The following KCMF1 variants were observed in gnomAD, a reference collection of about 807,000 sequenced individuals.
The protein encoded by KCMF1 is E3 ubiquitin-protein ligase KCMF1.
KCMF1 carries 3 observed loss-of-function variants against 41.1 expected under a neutral mutation model. The ratio of observed to expected loss-of-function variants is 0.07; its 90% CI spans 0.03 to 0.19. KCMF1 has a LOEUF of 0.19. Ranked by LOEUF, KCMF1 falls within the 10% of genes least tolerant of loss-of-function variation. KCMF1 has a pLI of 1.00. For synonymous variants in KCMF1, 142 were observed against 164.5 expected (o/e 0.86, Z 1.04); for missense variants, 286 against 488.9 (o/e 0.58, Z 3.91).
intron 3 of KCMF1, among the ~76,000 whole-genome samples, chr2:85,037,488 C>T (rs1490479175): frequency 1.3e-5 from 2 of 152,130 alleles, no homozygotes; most frequent in Non-Finnish European, 2.9e-5. Flanking sequence ...TTGAATGCCT[C>T]TCTGCATATA....
intron 1 of KCMF1, among the ~76,000 whole-genome samples, chr2:84,995,211 G>A (rs56323234): frequency 0.067 from 10,119 of 151,894 alleles, 583 homozygotes; most frequent in East Asian, 0.34. Flanking sequence ...TAGTGGAGAC[G>A]GGGTTTCACC....
chr2:85,020,786 A>G (rs760996790), intron 1 of KCMF1, among the ~76,000 whole-genome samples: 43 of 152,178 alleles, frequency 2.8e-4, no homozygotes, highest in Admixed American at 2.6e-3. Context: ...TTGCTCAGGT[A>G]TCTTTTTTAG....
At chr2:84,997,768 T>C (rs1259569748) in intron 1 of KCMF1, among the ~76,000 whole-genome samples, 7 of 139,738 alleles carry the variant, frequency 5.0e-5, no homozygotes, top group Non-Finnish European at 1.1e-4. Context: ...CATTTTCTTT[T>C]TTTTTTTTTT....
At position 85,056,244 on chromosome 2, in the gene KCMF1, A is replaced by G. The variant is rs1317638981; in HGVS notation, c.*2835A>G. ...GGCCCCCAGAGAAATGAAGTAGGAT[A>G]GCAGATTACACTATTAGAAATAATA... On this transcript the variant is annotated 3_prime_UTR_variant, in exon 7 of 7. Coordinates refer to ENST00000409785, the MANE Select transcript of KCMF1 (RefSeq NM_020122.5). The G allele has an allele frequency of 6.6e-6, 1 of 152,198 alleles. No individual in the cohort carries two copies. Among genetic ancestry groups the G allele is most frequent in the Admixed American group, 6.5e-5 (1 of 15,274 alleles). The allele number at this position is 152,198 out of a possible 1,614,324, so 9.4% of individuals were successfully genotyped here.
In KCMF1 at chr2:85,053,677, A is replaced by G. The variant is rs1675862361; in HGVS notation, c.*268A>G. ...GCAAAAGGCTCTCCTAATACTCCAC[A>G]TTCAAACTGAAGAGGAAAATTGAAA... On this transcript the variant is annotated 3_prime_UTR_variant, in exon 7 of 7. Coordinates refer to ENST00000409785, the MANE Select transcript of KCMF1 (RefSeq NM_020122.5). The G allele has an allele frequency of 9.1e-6, 3 of 329,712 alleles. No individual in the cohort carries two copies. The highest frequency in any genetic ancestry group is 1.7e-5 in the Non-Finnish European group (3 of 180,468). The allele number at this position is 329,712 out of a possible 1,614,324, so 20.4% of individuals were successfully genotyped here.
At chr2:85,043,117 T>C (rs1048784125) in intron 3 of KCMF1, among the ~76,000 whole-genome samples, 2 of 152,272 alleles carry the variant, frequency 1.3e-5, no homozygotes, top group Non-Finnish European at 2.9e-5. Context: ...GTTGAATGTT[T>C]GCACAGTTGC....
intron 1 of KCMF1, among the ~76,000 whole-genome samples, chr2:84,986,020 C>T (rs937585588): frequency 7.9e-5 from 12 of 152,114 alleles, no homozygotes; most frequent in African/African-American, 2.4e-4. Context: ...GTTTTCTATT[C>T]TGCTTCATTA....
intron 3 of KCMF1, among the ~76,000 whole-genome samples, chr2:85,040,238 A>C (rs1219614144): frequency 1.3e-5 from 2 of 152,218 alleles, no homozygotes; most frequent in Non-Finnish European, 2.9e-5. Context: ...CCATATGAAT[A>C]ATAGATATTA....
intron 1 of KCMF1, among the ~76,000 whole-genome samples, chr2:84,989,364 A>G (rs1673982098): frequency 1.3e-5 from 2 of 152,186 alleles, no homozygotes; most frequent in African/African-American, 2.4e-5. Flanking sequence ...CTTGTGGTGT[A>G]GGGGGAAGGC....
intron 1 of KCMF1, among the ~76,000 whole-genome samples, chr2:85,008,370 C>G (rs933066398): frequency 1.1e-3 from 9 of 8,462 alleles, no homozygotes; most frequent in Admixed American, 2.3e-3. Context: ...TATTATATAT[C>G]ATATGATATA....
At chr2:85,034,134 C>T (rs1675351808) in intron 2 of KCMF1, among the ~76,000 whole-genome samples, 1 of 152,054 alleles carries the variant, frequency 6.6e-6, no homozygotes, top group Non-Finnish European at 1.5e-5. Context: ...ACTGAGTCTG[C>T]AGTGAGCTGT....
At chr2:84,991,035 A>G (rs1674030926) in intron 1 of KCMF1, among the ~76,000 whole-genome samples, 1 of 152,088 alleles carries the variant, frequency 6.6e-6, no homozygotes, top group African/African-American at 2.4e-5. Context: ...CAAGACTCCT[A>G]ATTGGGAGGC....
At chr2:85,007,306 A>C (rs1311428277) in intron 1 of KCMF1, among the ~76,000 whole-genome samples, 1 of 152,226 alleles carries the variant, frequency 6.6e-6, no homozygotes, top group East Asian at 1.9e-4. Context: ...AGCAGTTTGC[A>C]CTATTAGGTG....
At position 84,971,430 on chromosome 2, in the gene KCMF1, C is replaced by T; in HGVS notation, c.-22C>T. 2 of 1,250,154 alleles carry T rather than the reference C, an allele frequency of 1.6e-6. No individual in the cohort carries two copies. The highest frequency in any genetic ancestry group is 2.0e-5 in the South Asian group (1 of 50,482). The allele number at this position is 1,250,154 out of a possible 1,614,324, so 77.4% of individuals were successfully genotyped here. On this transcript the variant is annotated 5_prime_UTR_variant, in exon 1 of 7. Transcript: ENST00000409785. ...TGCAGCCGGAGCCCGGGAGGGGCCGCGCCGCCACCGTCTGAACTAGGATGT... is the reference window on the plus strand; with the variant it reads ...TGCAGCCGGAGCCCGGGAGGGGCCGTGCCGCCACCGTCTGAACTAGGATGT...
intron 1 of KCMF1, among the ~76,000 whole-genome samples, chr2:84,979,787 G>A (rs1037807398): frequency 5.9e-5 from 9 of 151,720 alleles, no homozygotes; most frequent in Non-Finnish European, 1.2e-4. Flanking sequence ...AAAAGAACCC[G>A]TAAGCAGTAT....
intron 1 of KCMF1, among the ~76,000 whole-genome samples, chr2:85,000,334 AG>A (rs1168488371): frequency 6.0e-5 from 8 of 133,122 alleles, no homozygotes; most frequent in Admixed American, 1.5e-4. Context: ...CGTGTTAGCC[AG>A]GATGGTCTCG....
intron 1 of KCMF1, among the ~76,000 whole-genome samples, chr2:85,006,506 T>C (rs913497832): frequency 6.6e-6 from 1 of 151,846 alleles, no homozygotes; most frequent in Non-Finnish European, 1.5e-5. Flanking sequence ...TTCACCGTAT[T>C]AGGCAGGATG....
intron 2 of KCMF1, among the ~76,000 whole-genome samples, chr2:85,032,763 C>T (rs1030474777): frequency 6.6e-6 from 1 of 152,160 alleles, no homozygotes; most frequent in African/African-American, 2.4e-5. Context: ...TCACCCACTT[C>T]GCTCTCCCTC....
At chr2:84,994,655 G>A (rs1448096451) in intron 1 of KCMF1, among the ~76,000 whole-genome samples, 7 of 151,812 alleles carry the variant, frequency 4.6e-5, no homozygotes, top group South Asian at 2.1e-4. Context: ...CACCCACCTC[G>A]GCCTCCCAAA....
Sources: gnomAD v4.1 joint callset for allele counts (sites outside exome capture counted in the v4.1 genomes callset) on GRCh38, gnomAD v4.1.1 for gene constraint, MANE v1.5 for transcripts, NCBI Gene and HGNC (gene_info 2026-07-23, HGNC 2026-07-21) for gene names.